Variants in CCSER1 observed in about 807,000 individuals in gnomAD.
The protein encoded by CCSER1 is coiled-coil serine rich protein 1, also known as serine-rich coiled-coil domain-containing protein 1.
In CCSER1, 41 loss-of-function variants were observed where a neutral mutation model predicts 82.0. The observed-to-expected ratio is 0.50, with a 90% CI of 0.39 to 0.65. The LOEUF (loss-of-function observed/expected upper bound fraction) is 0.65. Among genes scored for constraint, CCSER1 ranks in the 30% least tolerant of loss-of-function variants. The probability of loss-of-function intolerance (pLI) is 0.00; values close to 1 mark genes in which losing one functional copy is unlikely to be tolerated. For missense variants in CCSER1, 1,119 were observed against 1,064.2 expected, an observed-to-expected ratio of 1.05 and a Z score of -0.72; for synonymous variants, 414 against 383.9, an observed-to-expected ratio of 1.08 and a Z score of -0.92.
intron 10 of CCSER1, among the ~76,000 whole-genome samples, chr4:91,177,920 T>G (rs1232784923): frequency 6.6e-6 from 1 of 152,220 alleles, no homozygotes; most frequent in African/African-American, 2.4e-5. Context: ...CAATTTTAGA[T>G]CTTTCCTGCC....
At chr4:90,854,502 A>G (rs969302805) in intron 8 of CCSER1, among the ~76,000 whole-genome samples, 17 of 152,296 alleles carry the variant, frequency 1.1e-4, no homozygotes, top group African/African-American at 3.4e-4. Context: ...CTCATGTGCA[A>G]CTGCTTTCAG....
intron 5 of CCSER1, among the ~76,000 whole-genome samples, chr4:90,623,088 C>A (rs899157555): frequency 7.1e-6 from 1 of 140,200 alleles, no homozygotes; most frequent in Non-Finnish European, 1.5e-5. Context: ...AGTGCAGTGG[C>A]GCAATCTCGG....
intron 5 of CCSER1, among the ~76,000 whole-genome samples, chr4:90,568,929 G>C (rs1167266967): frequency 6.6e-6 from 1 of 151,486 alleles, no homozygotes; most frequent in Non-Finnish European, 1.5e-5. Context: ...CACCACGCTC[G>C]GCTAATTTTT....
intron 9 of CCSER1, among the ~76,000 whole-genome samples, chr4:90,932,998 A>AAGAGAGAGAGAGAGAGAGAG (rs1561385410): frequency 1.4e-5 from 1 of 72,038 alleles, no homozygotes; most frequent in Non-Finnish European, 2.5e-5. Flanking sequence ...GAAAGAAAGA[A>AAGAGAGAGAGAGAGAGAGAG]AGAAAGAAAG....
chr4:91,255,612 G>A (rs773347943), intron 10 of CCSER1, among the ~76,000 whole-genome samples: 17 of 152,168 alleles, frequency 1.1e-4, no homozygotes, highest in African/African-American at 1.7e-4. Context: ...CAGGGACACC[G>A]AAAGGAGGGA....
At chr4:90,469,270 A>ATAG (rs575820126) in intron 5 of CCSER1, among the ~76,000 whole-genome samples, 9 of 152,042 alleles carry the variant, frequency 5.9e-5, no homozygotes, top group Non-Finnish European at 1.3e-4. Context: ...CTGTTTGTGA[A>ATAG]TAGGGCAATG....
chr4:91,471,804 C>A (rs1359005651), intron 10 of CCSER1, among the ~76,000 whole-genome samples: 7 of 151,714 alleles, frequency 4.6e-5, no homozygotes, highest in Non-Finnish European at 8.8e-5. Context: ...CTTGTCTCTA[C>A]TAAAAATACA....
chr4:90,438,774 T>TTCTATCTATCTATCTATCTA (rs10617236), intron 4 of CCSER1, among the ~76,000 whole-genome samples: 17 of 150,344 alleles, frequency 1.1e-4, no homozygotes, highest in African/African-American at 2.2e-4. Flanking sequence ...TTTTGATATC[T>TTCTATCTATCTATCTATCTA]TCTATCTATC....
intron 9 of CCSER1, among the ~76,000 whole-genome samples, chr4:90,980,740 C>A (rs554357476): frequency 6.6e-6 from 1 of 151,508 alleles, no homozygotes; most frequent in East Asian, 2.0e-4. Flanking sequence ...CATGGAAAGA[C>A]GTACTCGAAG....
intron 10 of CCSER1, among the ~76,000 whole-genome samples, chr4:91,088,549 G>A (rs1723614554): frequency 1.3e-5 from 2 of 152,088 alleles, no homozygotes; most frequent in Admixed American, 1.3e-4. Flanking sequence ...ATAGAGATAG[G>A]TAACACCTAA....
intron 10 of CCSER1, among the ~76,000 whole-genome samples, chr4:91,239,174 A>G (rs1407339568): frequency 7.3e-6 from 1 of 136,704 alleles, no homozygotes; most frequent in African/African-American, 2.8e-5. Context: ...CACAACCATT[A>G]TAATCAACTT....
chr4:90,832,936 A>G (rs563003579), intron 8 of CCSER1, among the ~76,000 whole-genome samples: 21 of 152,334 alleles, frequency 1.4e-4, no homozygotes, highest in African/African-American at 4.6e-4. Context: ...TATCCTATTT[A>G]TAGTCATCTG....
chr4:90,978,962 C>T (rs1157341548), intron 9 of CCSER1, among the ~76,000 whole-genome samples: 4 of 151,598 alleles, frequency 2.6e-5, no homozygotes, highest in African/African-American at 9.7e-5. Context: ...GGTAAAGTGT[C>T]TCCCTAAGTA....
chr4:91,143,492 C>A (rs553675827), intron 10 of CCSER1, among the ~76,000 whole-genome samples: 1 of 151,946 alleles, frequency 6.6e-6, no homozygotes, highest in African/African-American at 2.4e-5. Context: ...CCTGATTGCT[C>A]TAATTAGGAC....
intron 5 of CCSER1, among the ~76,000 whole-genome samples, chr4:90,508,715 T>G (rs899950964): frequency 2.0e-4 from 31 of 152,226 alleles, no homozygotes; most frequent in African/African-American, 7.2e-4. Flanking sequence ...TAATGGAGAC[T>G]GTTGAAGTTT....
chr4:91,369,818 G>T (rs545576391), intron 10 of CCSER1, among the ~76,000 whole-genome samples: 1 of 150,334 alleles, frequency 6.7e-6, no homozygotes, highest in South Asian at 2.1e-4. Context: ...TTGGGAGCAC[G>T]CCCACCACGC....
At chr4:90,909,269 G>GATTAT (rs1725969308) in intron 8 of CCSER1, among the ~76,000 whole-genome samples, 1 of 152,052 alleles carries the variant, frequency 6.6e-6, no homozygotes, top group African/African-American at 2.4e-5. Context: ...TTTTTAATGT[G>GATTAT]ATTATATCTG....
At chr4:90,354,326 A>G (rs889211817) in intron 3 of CCSER1, among the ~76,000 whole-genome samples, 1 of 152,200 alleles carries the variant, frequency 6.6e-6, no homozygotes, top group Non-Finnish European at 1.5e-5. Flanking sequence ...ATCAAAGGGT[A>G]TAAACGTTCT....
At chr4:91,542,989 A>G (rs1339831193) in intron 10 of CCSER1, among the ~76,000 whole-genome samples, 1 of 152,146 alleles carries the variant, frequency 6.6e-6, no homozygotes, top group Non-Finnish European at 1.5e-5. Context: ...GTGCTCCTGT[A>G]TTGGATGCAT....
Sources: allele counts gnomAD v4.1 joint callset (sites outside exome capture counted in the v4.1 genomes callset), GRCh38; gene constraint gnomAD v4.1.1; transcripts MANE v1.5; gene names NCBI Gene and HGNC (gene_info 2026-07-23, HGNC 2026-07-21).